DPP10: variants seen among roughly 807,000 people sequenced by gnomAD.
The protein encoded by DPP10 is dipeptidyl peptidase like 10.
Under a neutral mutation model 120.9 loss-of-function variants are expected in DPP10, and 33 were observed. The ratio of observed to expected loss-of-function variants is 0.27; its 90% CI spans 0.21 to 0.37. The LOEUF is 0.37. DPP10 is among the 10% of genes least tolerant of loss of function. DPP10 has a pLI of 1.00. For synonymous variants in DPP10, 337 were observed against 326.1 expected, an observed-to-expected ratio of 1.03 and a Z score of -0.36; for missense variants, 816 against 942.8, an observed-to-expected ratio of 0.87 and a Z score of 1.76.
At chr2:115,379,616 G>T (rs535265383) in intron 3 of DPP10, among the ~76,000 whole-genome samples, 1 of 152,026 alleles carries the variant, frequency 6.6e-6, no homozygotes, top group Non-Finnish European at 1.5e-5. Flanking sequence ...GTTTGCTCTT[G>T]CTTTTCTAGT....
intron 1 of DPP10, chr2:115,233,965 A>C: frequency 1.9e-6 from 1 of 518,330 alleles, no homozygotes; most frequent in Non-Finnish European, 3.9e-6. Context: ...TAAGAGATAA[A>C]TCAGCCTTCA....
rs776150616 is a variant in DPP10, at chr2:114,933,783, G to A, written c.61-375456G>A. 2.7e-4 allele frequency among the ~76,000 whole-genome samples: 41 copies of A among 152,072 alleles called. 1 individual carries two copies. The highest frequency in any genetic ancestry group is 1.4e-3 in the Admixed American group (22 of 15,258). On this transcript the variant is annotated intron_variant, in intron 1 of 25. Transcript: ENST00000410059. ...TTGGGGACTGTTTACAAAGGTTGTCGGGCCCTACCCACAGAATTTCTGATT... is the reference window on the plus strand; with the variant it reads ...TTGGGGACTGTTTACAAAGGTTGTCAGGCCCTACCCACAGAATTTCTGATT...
chr2:114,696,893 C>T (rs933229553), intron 1 of DPP10, among the ~76,000 whole-genome samples: 7 of 151,820 alleles, frequency 4.6e-5, no homozygotes, highest in East Asian at 1.9e-4. Context: ...TTGCAGTGTG[C>T]TATTTATTTC....
chr2:114,913,718 A>G (rs182080479), intron 1 of DPP10, among the ~76,000 whole-genome samples: 1 of 152,340 alleles, frequency 6.6e-6, no homozygotes, highest in African/African-American at 2.4e-5. Context: ...CCATAGACTA[A>G]AATGGCTGAA....
chr2:114,989,717 T>C (rs1700649140), intron 1 of DPP10, among the ~76,000 whole-genome samples: 5 of 152,198 alleles, frequency 3.3e-5, no homozygotes, highest in Admixed American at 3.3e-4. Flanking sequence ...GTTATCTAAA[T>C]CATAATCACA....
At chr2:114,972,755 T>C (rs1558940430) in intron 1 of DPP10, among the ~76,000 whole-genome samples, 2 of 152,214 alleles carry the variant, frequency 1.3e-5, no homozygotes, top group African/African-American at 2.4e-5. Flanking sequence ...TTTAGCTTGA[T>C]TGGATTGTCT....
intron 7 of DPP10, among the ~76,000 whole-genome samples, chr2:115,717,637 CAA>C (rs2092537654): frequency 6.6e-6 from 1 of 151,902 alleles, no homozygotes; most frequent in Admixed American, 6.6e-5. Context: ...TTCTCAGAAT[CAA>C]AGAGAAAGTT....
intron 24 of DPP10, among the ~76,000 whole-genome samples, chr2:115,838,746 T>C (rs1689787987): frequency 6.6e-6 from 1 of 152,036 alleles, no homozygotes; most frequent in Admixed American, 6.6e-5. Flanking sequence ...TCAGCCCTGG[T>C]CCCTGGAGAG....
chr2:114,843,998 C>T (rs564886120), intron 1 of DPP10, among the ~76,000 whole-genome samples: 10 of 152,312 alleles, frequency 6.6e-5, no homozygotes, highest in African/African-American at 2.4e-4. Flanking sequence ...TGTTCAGCTA[C>T]TGTGATCTAA....
At chr2:114,680,129 G>T (rs191359157) in intron 1 of DPP10, among the ~76,000 whole-genome samples, 15 of 152,042 alleles carry the variant, frequency 9.9e-5, no homozygotes, top group Admixed American at 2.0e-4. Context: ...TCTAAATACT[G>T]TAACGTCAGT....
intron 3 of DPP10, among the ~76,000 whole-genome samples, chr2:115,466,987 TGAAG>T: frequency 6.6e-6 from 1 of 152,256 alleles, no homozygotes; most frequent in Non-Finnish European, 1.5e-5. Flanking sequence ...TTGGTGACAG[TGAAG>T]TTCCTTAACC....
intron 1 of DPP10, among the ~76,000 whole-genome samples, chr2:114,972,674 T>G (rs1012769873): frequency 1.3e-5 from 2 of 152,206 alleles, no homozygotes; most frequent in Admixed American, 6.5e-5. Flanking sequence ...CCTACATGTT[T>G]CTTTGTATAT....
intron 1 of DPP10, among the ~76,000 whole-genome samples, chr2:114,452,552 G>T (rs1389041262): frequency 6.6e-6 from 1 of 152,120 alleles, no homozygotes; most frequent in Non-Finnish European, 1.5e-5. Flanking sequence ...CGTGAGCATT[G>T]TCCATTCGCT....
At chr2:114,768,479 T>G (rs1217799877) in intron 1 of DPP10, among the ~76,000 whole-genome samples, 2 of 152,098 alleles carry the variant, frequency 1.3e-5, no homozygotes, top group African/African-American at 2.4e-5. Context: ...AAGTCAGAGG[T>G]GGATCAGTGT....
At chr2:115,416,772 C>T (rs886176953) in intron 3 of DPP10, among the ~76,000 whole-genome samples, 7 of 152,138 alleles carry the variant, frequency 4.6e-5, no homozygotes, top group Non-Finnish European at 1.0e-4. Context: ...GAAACCATTT[C>T]TGCACACTGA....
At chr2:115,825,783 G>T (rs554633554) in intron 21 of DPP10, among the ~76,000 whole-genome samples, 4 of 152,136 alleles carry the variant, frequency 2.6e-5, no homozygotes, top group Admixed American at 6.5e-5. Flanking sequence ...GTTTGGCTAT[G>T]CCATAAGACA....
chr2:114,474,040 C>A (rs1241992081), intron 1 of DPP10, among the ~76,000 whole-genome samples: 1 of 152,176 alleles, frequency 6.6e-6, no homozygotes, highest in African/African-American at 2.4e-5. Flanking sequence ...TCACTGCAAC[C>A]TCCGCCTCCC....
chr2:115,513,917 C>G (rs1002666283), intron 4 of DPP10, among the ~76,000 whole-genome samples: 2 of 151,978 alleles, frequency 1.3e-5, no homozygotes, highest in Non-Finnish European at 2.9e-5. Context: ...GCCTGAAGGA[C>G]TTCTTCCTTT....
At chr2:114,919,942 A>T (rs1695080444) in intron 1 of DPP10, among the ~76,000 whole-genome samples, 1 of 152,170 alleles carries the variant, frequency 6.6e-6, no homozygotes, top group South Asian at 2.1e-4. Flanking sequence ...TGGATTTGCT[A>T]ACAGCCTGGG....
Sources: allele counts gnomAD v4.1 joint callset (sites outside exome capture counted in the v4.1 genomes callset), GRCh38; gene constraint gnomAD v4.1.1; transcripts MANE v1.5; gene names NCBI Gene and HGNC (gene_info 2026-07-23, HGNC 2026-07-21).